Variants in CHST11 observed in about 807,000 individuals in gnomAD.
CHST11 encodes carbohydrate sulfotransferase 11.
Under a neutral mutation model 30.4 loss-of-function variants are expected in CHST11, and 9 were observed. The observed-to-expected ratio is 0.30, with a 90% CI of 0.18 to 0.52. The LOEUF is 0.52. Ranked by LOEUF, CHST11 falls within the 20% of genes least tolerant of loss-of-function variation. The probability of loss-of-function intolerance (pLI) is 0.97; values close to 1 mark genes in which losing one functional copy is unlikely to be tolerated. For synonymous variants in CHST11, 152 were observed against 187.8 expected, an observed-to-expected ratio of 0.81 and a Z score of 1.56; for missense variants, 348 against 460.6, an observed-to-expected ratio of 0.76 and a Z score of 2.24.
chr12:104,569,003 C>G (rs572615934), intron 1 of CHST11, among the ~76,000 whole-genome samples: 2 of 152,226 alleles, frequency 1.3e-5, no homozygotes, highest in African/African-American at 4.8e-5. Flanking sequence ...TCTAGTTGCT[C>G]TCATGTATTA....
chr12:104,667,281 C>T (rs2039651050), intron 2 of CHST11, among the ~76,000 whole-genome samples: 1 of 152,102 alleles, frequency 6.6e-6, no homozygotes, highest in South Asian at 2.1e-4. Context: ...CTACAGGTGT[C>T]CTTATTCCCC....
At chr12:104,511,652 A>G (rs1270328449) in intron 1 of CHST11, among the ~76,000 whole-genome samples, 2 of 152,208 alleles carry the variant, frequency 1.3e-5, no homozygotes, top group Non-Finnish European at 1.5e-5. Context: ...TTTCTGGTCA[A>G]TGGAAGGGAA....
At position 104,597,381 on chromosome 12, in the gene CHST11, C is replaced by T. The variant is rs564806032; in HGVS notation, c.119-4525C>T. On this transcript the variant is annotated intron_variant, in intron 1 of 2. Coordinates refer to ENST00000303694, the MANE Select transcript of CHST11 (RefSeq NM_018413.6). ...GTGGCTAAATAAAACTCCCAGTGGGCGGGGTGGACAGCAGAAGCCTGCCGT... is the reference window on the plus strand; with the variant it reads ...GTGGCTAAATAAAACTCCCAGTGGGTGGGGTGGACAGCAGAAGCCTGCCGT... Among the ~76,000 whole-genome samples the T allele has an allele frequency of 3.3e-5, 5 of 152,126 alleles. No homozygotes were observed. The East Asian group carries it at 7.7e-4, about 23-fold the overall frequency.
rs552171089 is a variant in CHST11 at position 104,600,220 on chromosome 12, C to T, written c.119-1686C>T. 1.1e-4 allele frequency among the ~76,000 whole-genome samples: 16 copies of T among 152,308 alleles called. No individual in the cohort carries two copies. In the East Asian group the frequency reaches 1.2e-3, roughly 11 times the overall value. On this transcript the variant is annotated intron_variant, in intron 1 of 2. Transcript: ENST00000303694. The surrounding 1 kb of genome is among the most constrained non-coding windows in gnomAD (Gnocchi z 4.1). The stretch of plus-strand genomic sequence containing the variant: ...CTCACCTGAGCAGTAGTTTTTCCTC[C>T]GGAGACCTTCCAGATGTCATCAGCT...
Position 104,693,297 on chromosome 12 carries a change from G to A in CHST11, c.205-63652G>A, listed in dbSNP as rs79269665. 7.4e-3 allele frequency among the ~76,000 whole-genome samples: 1,128 copies of A among 152,300 alleles called. 12 individuals carry two copies. The highest frequency in any genetic ancestry group is 0.026 in the African/African-American group (1,080 of 41,564). On this transcript the variant is annotated intron_variant, in intron 2 of 2. Transcript: ENST00000303694. ...AAGGGGTCACAGATCAGCGCAACAC[G>A]CCCAGTGTGACACCACTGAAAAATG...
chr12:104,566,830 T>G (rs2038572205), intron 1 of CHST11, among the ~76,000 whole-genome samples: 1 of 152,096 alleles, frequency 6.6e-6, no homozygotes, highest in Non-Finnish European at 1.5e-5. Context: ...CCTTTCTCTG[T>G]GCTGAACCTG....
At chr12:104,580,704 G>A (rs1032844567) in intron 1 of CHST11, among the ~76,000 whole-genome samples, 6 of 152,120 alleles carry the variant, frequency 3.9e-5, no homozygotes, top group Admixed American at 1.3e-4. Flanking sequence ...TCAAGAAATG[G>A]GTGCTCAGTC....
At chr12:104,706,515 T>A (rs1027721920) in intron 2 of CHST11, among the ~76,000 whole-genome samples, 3 of 151,920 alleles carry the variant, frequency 2.0e-5, no homozygotes, top group African/African-American at 7.3e-5. Context: ...GAAGGCTCAC[T>A]GAGTAGATGG....
At chr12:104,466,733 T>C (rs1489427865) in intron 1 of CHST11, among the ~76,000 whole-genome samples, 2 of 152,232 alleles carry the variant, frequency 1.3e-5, no homozygotes, top group Non-Finnish European at 1.5e-5. Flanking sequence ...GTAAAACATA[T>C]TTGAGCAGCC....
At chr12:104,470,047 C>T (rs1261331249) in intron 1 of CHST11, among the ~76,000 whole-genome samples, 1 of 152,202 alleles carries the variant, frequency 6.6e-6, no homozygotes, top group Non-Finnish European at 1.5e-5. Context: ...TGTCTGGAGA[C>T]ATTTTGGGTT....
intron 2 of CHST11, among the ~76,000 whole-genome samples, chr12:104,706,428 A>AGGTG (rs946101122): frequency 1.0e-3 from 3 of 2,978 alleles, no homozygotes; most frequent in South Asian, 0.027. Context: ...GTAGGTACAC[A>AGGTG]GGTGGGTGGG....
chr12:104,576,788 C>T (rs1940339397), intron 1 of CHST11, among the ~76,000 whole-genome samples: 1 of 152,102 alleles, frequency 6.6e-6, no homozygotes, highest in Admixed American at 6.5e-5. Flanking sequence ...CTATTGAATC[C>T]GGATCTGGAT....
At chr12:104,629,696 C>T (rs538360998) in intron 2 of CHST11, among the ~76,000 whole-genome samples, 13 of 152,288 alleles carry the variant, frequency 8.5e-5, no homozygotes, top group African/African-American at 2.6e-4. Flanking sequence ...GTGGCACGCA[C>T]CTGTAATCCC....
intron 2 of CHST11, among the ~76,000 whole-genome samples, chr12:104,716,114 G>C (rs567285520): frequency 6.6e-6 from 1 of 152,124 alleles, no homozygotes; most frequent in Non-Finnish European, 1.5e-5. Context: ...GTCTGCACAC[G>C]GGGTGCCAAG....
chr12:104,577,586 A>G (rs575344365), intron 1 of CHST11, among the ~76,000 whole-genome samples: 71 of 152,048 alleles, frequency 4.7e-4, no homozygotes, highest in African/African-American at 1.7e-3. Flanking sequence ...AGCTACGTTT[A>G]ACACTTCATT....
intron 2 of CHST11, among the ~76,000 whole-genome samples, chr12:104,604,396 C>T (rs117240762): frequency 1.3e-5 from 2 of 152,188 alleles, no homozygotes; most frequent in Non-Finnish European, 2.9e-5. Flanking sequence ...AAAATCACCT[C>T]GTTTCCTCGG....
At position 104,757,312 on chromosome 12, in the gene CHST11, G is replaced by A. The variant is rs763372855; in HGVS notation, c.568G>A (p.Glu190Lys). The A allele has an allele frequency of 7.1e-5, 114 of 1,613,954 alleles. No individual in the cohort carries two copies. Among genetic ancestry groups the A allele is most frequent in the Non-Finnish European group, 9.1e-5 (107 of 1,180,036 alleles). ...GTTCCTGTTTGTCCGGGAGCCCTTC[G>A]AGAGGCTAGTGTCCGCCTACCGCAA... is the stretch of plus-strand genomic sequence containing the variant. ...MKFLFVREPF[E>K]RLVSAYRNKF... Residue 190 changes from glutamate (E) to lysine (K), a missense_variant, in exon 3 of 3, where the codon GAG (glutamate) becomes AAG (lysine). This residue lies in a region of CHST11 where 210 missense variants were observed against 287.2 expected (regional missense o/e 0.73). Transcript: ENST00000303694. This position sits in a 1 kb window ranked among gnomAD's most constrained non-coding sequence, Gnocchi z 6.5.
chr12:104,715,542 A>G (rs1403922851), intron 2 of CHST11, among the ~76,000 whole-genome samples: 1 of 152,230 alleles, frequency 6.6e-6, no homozygotes, highest in Admixed American at 6.5e-5. Flanking sequence ...CGGAGGTACT[A>G]TTATAAGTCC....
rs766829852 is a variant in CHST11, at chr12:104,666,848, C to T, written c.204+64857C>T. ...TTTCACCGTTCTACAGTACCGTGTG[C>T]GGTGGGGTCTGGAGTGAGCCAGAAC... On this transcript the variant is annotated intron_variant, in intron 2 of 2. Transcript: ENST00000303694. 4.8e-4 allele frequency among the ~76,000 whole-genome samples: 72 copies of T among 151,376 alleles called. 1 individual carries two copies. Among genetic ancestry groups the T allele is most frequent in the South Asian group, 4.2e-4 (2 of 4,782 alleles).
Sources: allele counts gnomAD v4.1 joint callset (sites outside exome capture counted in the v4.1 genomes callset), GRCh38; gene constraint gnomAD v4.1.1; regional missense constraint gnomAD v4.1.1; non-coding constraint Gnocchi (gnomAD v3.1); transcripts MANE v1.5; gene names NCBI Gene and HGNC (gene_info 2026-07-23, HGNC 2026-07-21).